ANKRD28: variants seen among roughly 807,000 people sequenced by gnomAD.
ANKRD28 encodes the protein ankyrin repeat domain 28.
In ANKRD28, 44 loss-of-function variants were observed where a neutral mutation model predicts 126.5. That is an observed-to-expected ratio of 0.35 (90% confidence interval 0.27 to 0.45). ANKRD28 has a LOEUF of 0.45. Among genes scored for constraint, ANKRD28 ranks in the 20% least tolerant of loss-of-function variants. ANKRD28 has a pLI of 1.00. For missense variants in ANKRD28, 1,110 were observed against 1,316.6 expected (o/e 0.84, Z 2.43); for synonymous variants, 442 against 468.5 (o/e 0.94, Z 0.73).
chr3:15,680,098 G>A (rs1559321926), intron 21 of ANKRD28, among the ~76,000 whole-genome samples: 1 of 152,090 alleles, frequency 6.6e-6, no homozygotes, highest in Non-Finnish European at 1.5e-5. Context: ...AGAAATGACT[G>A]TGCTATTTTT....
intron 3 of ANKRD28, among the ~76,000 whole-genome samples, chr3:15,754,100 T>TC (rs1000692225): frequency 6.6e-6 from 1 of 152,074 alleles, no homozygotes; most frequent in African/African-American, 2.4e-5. Context: ...CACACAATGG[T>TC]CCCCCCTTGT....
At chr3:15,818,317 C>G (rs2060875179) in intron 1 of ANKRD28, among the ~76,000 whole-genome samples, 1 of 152,104 alleles carries the variant, frequency 6.6e-6, no homozygotes, top group Non-Finnish European at 1.5e-5. Flanking sequence ...TCATATGACG[C>G]CACAAGTGGA....
intron 2 of ANKRD28, among the ~76,000 whole-genome samples, chr3:15,772,981 G>C (rs2059091648): frequency 6.6e-6 from 1 of 151,998 alleles, no homozygotes; most frequent in African/African-American, 2.4e-5. Context: ...TCTGAGATAG[G>C]AATGAGGCAA....
At chr3:15,698,155 T>C (rs1394349908) in intron 14 of ANKRD28, among the ~76,000 whole-genome samples, 1 of 152,146 alleles carries the variant, frequency 6.6e-6, no homozygotes, top group Non-Finnish European at 1.5e-5. Context: ...ATTATCTCAA[T>C]AGATGCAGAA....
At chr3:15,791,300 T>G (rs986460621) in intron 2 of ANKRD28, among the ~76,000 whole-genome samples, 1 of 151,576 alleles carries the variant, frequency 6.6e-6, no homozygotes, top group African/African-American at 2.4e-5. Flanking sequence ...AGACCCAGAA[T>G]AGCCAAAGCC....
intron 2 of ANKRD28, chr3:15,781,544 T>C (rs1230081894): frequency 6.6e-6 from 1 of 152,104 alleles, no homozygotes; most frequent in East Asian, 1.9e-4. Context: ...AAAACTAATA[T>C]TAATAATAAA....
intron 6 of ANKRD28, among the ~76,000 whole-genome samples, chr3:15,726,618 G>A (rs4419368): frequency 0.13 from 20,301 of 152,274 alleles, 2,062 homozygotes; most frequent in East Asian, 0.56. Flanking sequence ...AGTGCAATGT[G>A]AAGCAGCAAG....
chr3:15,787,655 C>A (rs535730226), intron 2 of ANKRD28, among the ~76,000 whole-genome samples: 1 of 152,258 alleles, frequency 6.6e-6, no homozygotes, highest in African/African-American at 2.4e-5. Flanking sequence ...CACACAGCCT[C>A]AAGTAATGAG....
chr3:15,736,890 G>C, intron 5 of ANKRD28, 143 bp downstream of exon 5: 1 of 809,106 alleles, frequency 1.2e-6, no homozygotes, highest in Non-Finnish European at 1.9e-6. Flanking sequence ...ATTTGAGAAA[G>C]TTATAAAAGG....
At chr3:15,822,871 G>C (rs2060975036) in intron 1 of ANKRD28, among the ~76,000 whole-genome samples, 1 of 152,124 alleles carries the variant, frequency 6.6e-6, no homozygotes, top group African/African-American at 2.4e-5. Flanking sequence ...TAAGCTTTTA[G>C]CTAGACTGAC....
chr3:15,855,313 T>G (rs965354781), intron 1 of ANKRD28, among the ~76,000 whole-genome samples: 2 of 152,036 alleles, frequency 1.3e-5, no homozygotes, highest in African/African-American at 4.8e-5. Context: ...CCTTTCTCAC[T>G]GATATATGCC....
At chr3:15,708,888 A>G (rs2071838173) in intron 13 of ANKRD28, among the ~76,000 whole-genome samples, 1 of 152,128 alleles carries the variant, frequency 6.6e-6, no homozygotes. Flanking sequence ...CTTCTGACAT[A>G]CACCCTTCCT....
In ANKRD28 at chr3:15,816,946, A is replaced by G. The variant is rs577224326; in HGVS notation, c.28-21640T>C. 6.6e-6 allele frequency among the ~76,000 whole-genome samples: 1 copy of G among 152,170 alleles called. No individual in the cohort carries two copies. The highest frequency in any genetic ancestry group is 1.5e-5 in the Non-Finnish European group (1 of 68,022). On this transcript the variant is annotated intron_variant, in intron 1 of 27. Coordinates refer to the ANKRD28 transcript ENST00000399451. This position sits in a 1 kb window ranked among gnomAD's most constrained non-coding sequence, Gnocchi z 5.0. ...CACAGTGGCTCATGCCTGTAATCCCAGCACTTTGGGAGGCCAAAGTGAGAG... is the reference window on the plus strand; with the variant it reads ...CACAGTGGCTCATGCCTGTAATCCCGGCACTTTGGGAGGCCAAAGTGAGAG...
intron 2 of ANKRD28, among the ~76,000 whole-genome samples, chr3:15,792,407 A>C (rs1221870998): frequency 6.6e-6 from 1 of 152,198 alleles, no homozygotes; most frequent in Non-Finnish European, 1.5e-5. Context: ...AGACCCAGTC[A>C]TTTGCAACAA....
intron 1 of ANKRD28, among the ~76,000 whole-genome samples, chr3:15,822,099 G>C (rs749225090): frequency 6.6e-6 from 1 of 152,182 alleles, no homozygotes; most frequent in Non-Finnish European, 1.5e-5. Flanking sequence ...GGCCACATGC[G>C]TGTCCAGGAC....
At chr3:15,837,888 T>C (rs2061356092) in intron 1 of ANKRD28, among the ~76,000 whole-genome samples, 1 of 124,678 alleles carries the variant, frequency 8.0e-6, no homozygotes, top group African/African-American at 3.1e-5. Flanking sequence ...TTAATTAAGC[T>C]AACCAGAAAA....
chr3:15,850,204 A>AAAAAAT lies in ANKRD28; in HGVS notation c.27+9172_27+9173insATTTTT, dbSNP rs1486394619. On this transcript the variant is annotated intron_variant, in intron 1 of 27. Transcript: ENST00000399451. ...TCTACATGCAATAAAAAAAAAAAAA[A>AAAAAAT]ATATATATATATATATATATAGAGA... Among the ~76,000 whole-genome samples the AAAAAAT allele has an allele frequency of 4.2e-4, 23 of 54,828 alleles. 1 individual carries two copies. Among genetic ancestry groups the AAAAAAT allele is most frequent in the South Asian group, 6.4e-4 (1 of 1,572 alleles). The allele number at this position is 54,828 out of a possible 152,430, so 36.0% of individuals were successfully genotyped here. A position where few individuals can be genotyped will look rare whatever the true frequency, so the allele number is the denominator to read the frequency against.
chr3:15,784,817 G>A (rs763718012), intron 2 of ANKRD28, among the ~76,000 whole-genome samples: 81 of 151,950 alleles, frequency 5.3e-4, no homozygotes, highest in Non-Finnish European at 5.7e-4. Context: ...TGAATGGAGA[G>A]GATTCTGAGA....
At chr3:15,757,625 C>T (rs1161076227) in intron 3 of ANKRD28, among the ~76,000 whole-genome samples, 2 of 152,098 alleles carry the variant, frequency 1.3e-5, no homozygotes, top group Admixed American at 1.3e-4. Flanking sequence ...CGCTCCCTCA[C>T]CCTTTCCACC....
Sources: allele counts gnomAD v4.1 joint callset (sites outside exome capture counted in the v4.1 genomes callset), GRCh38; gene constraint gnomAD v4.1.1; non-coding constraint Gnocchi (gnomAD v3.1); transcripts MANE v1.5; gene names NCBI Gene and HGNC (gene_info 2026-07-23, HGNC 2026-07-21).